Variants in CNST observed in about 807,000 individuals in gnomAD.
The protein encoded by CNST is consortin, connexin sorting protein, also known as consortin.
In CNST, 39 loss-of-function variants were observed where a neutral mutation model predicts 72.4. The ratio of observed to expected loss-of-function variants is 0.54; its 90% CI spans 0.42 to 0.70. The LOEUF (loss-of-function observed/expected upper bound fraction) is 0.70, where lower values mean the gene tolerates loss of function less well. CNST is among the 30% of genes least tolerant of loss of function. The pLI, the probability that CNST is intolerant of heterozygous loss-of-function variation, is 0.00. For missense variants in CNST, 871 were observed against 868.5 expected (o/e 1.00, Z -0.04); for synonymous variants, 332 against 320.1 (o/e 1.04, Z -0.40).
intron 1 of CNST, among the ~76,000 whole-genome samples, chr1:246,575,482 A>T (rs1005092896): frequency 5.9e-5 from 9 of 152,238 alleles, no homozygotes; most frequent in Non-Finnish European, 1.3e-4. Context: ...CATATTGTAT[A>T]ATTCCATTTA....
intron 1 of CNST, among the ~76,000 whole-genome samples, chr1:246,586,090 G>A (rs1661164594): frequency 8.5e-6 from 1 of 117,172 alleles, no homozygotes; most frequent in South Asian, 3.1e-4. Context: ...GGGGGAGAGG[G>A]GGAGATATAT....
At chr1:246,662,826 C>T (rs559199121) in intron 10 of CNST, among the ~76,000 whole-genome samples, 7 of 152,220 alleles carry the variant, frequency 4.6e-5, no homozygotes, top group South Asian at 2.1e-4. Context: ...TGTTCATCGC[C>T]GCTCAGTTTG....
chr1:246,609,618 A>G (rs556304352), intron 2 of CNST, among the ~76,000 whole-genome samples: 2 of 152,210 alleles, frequency 1.3e-5, no homozygotes, highest in East Asian at 3.9e-4. Context: ...CCTCCTTTCC[A>G]TTTTCATGGC....
chr1:246,566,841 T>TTC, intron 1 of CNST, 178 bp downstream of exon 1: 1 of 395,124 alleles, frequency 2.5e-6, no homozygotes, highest in East Asian at 3.6e-5. Context: ...GTCGCCTGTT[T>TTC]TCCTCTCCTT....
At chr1:246,604,968 A>G (rs1662608856) in intron 2 of CNST, among the ~76,000 whole-genome samples, 1 of 152,158 alleles carries the variant, frequency 6.6e-6, no homozygotes, top group African/African-American at 2.4e-5. Context: ...CACATGCACC[A>G]TTATTTTTGT....
chr1:246,613,777 T>C (rs1663502976), intron 2 of CNST, among the ~76,000 whole-genome samples: 1 of 141,594 alleles, frequency 7.1e-6, no homozygotes, highest in Non-Finnish European at 1.5e-5. Flanking sequence ...CCCTGCAACC[T>C]CCACCTCCCA....
chr1:246,665,638 C>A, intron 10 of CNST, 62 bp from the exon 11 acceptor site: 1 of 1,339,990 alleles, frequency 7.5e-7, no homozygotes, highest in South Asian at 1.2e-5. Context: ...AGTGAAAAGA[C>A]AGCAGATGCT....
intron 3 of CNST, among the ~76,000 whole-genome samples, chr1:246,625,471 G>C (rs1474801067): frequency 7.2e-6 from 1 of 138,160 alleles, no homozygotes; most frequent in African/African-American, 2.7e-5. Context: ...ACCCAGGCTG[G>C]AGTGCAGTGG....
chr1:246,665,096 A>C (rs1667334512), intron 10 of CNST, among the ~76,000 whole-genome samples: 1 of 152,154 alleles, frequency 6.6e-6, no homozygotes, highest in Non-Finnish European at 1.5e-5. Flanking sequence ...CGGGGTGGGC[A>C]TGCTGGCTCA....
chr1:246,590,699 A>G (rs1471781362), intron 1 of CNST, among the ~76,000 whole-genome samples: 3 of 152,040 alleles, frequency 2.0e-5, no homozygotes, highest in African/African-American at 7.2e-5. Flanking sequence ...CATTTTTCTT[A>G]AAATGTAATA....
At position 246,666,999 on chromosome 1, in the gene CNST, A is replaced by C. The variant is rs143346113; in HGVS notation, c.*1094A>C. 2 of 152,124 alleles carry C rather than the reference A, an allele frequency of 1.3e-5. No individual in the cohort carries two copies. Among genetic ancestry groups the C allele is most frequent in the Non-Finnish European group, 2.9e-5 (2 of 68,026 alleles). The allele number at this position is 152,124 out of a possible 1,614,324, so 9.4% of individuals were successfully genotyped here. ...TTGCGGGGTCATTACGCAAAAATTC[A>C]ATCATACCTTCCATAGACAAATGTC... On this transcript the variant is annotated 3_prime_UTR_variant, in exon 11 of 11. Transcript: ENST00000366513.
intron 6 of CNST, among the ~76,000 whole-genome samples, chr1:246,637,450 T>C (rs985956072): frequency 6.6e-6 from 1 of 152,214 alleles, no homozygotes; most frequent in Non-Finnish European, 1.5e-5. Context: ...GGTAAGTAAT[T>C]CCCGAGTGGC....
chr1:246,649,066 A>T (rs941947576), intron 9 of CNST, among the ~76,000 whole-genome samples: 1 of 152,070 alleles, frequency 6.6e-6, no homozygotes, highest in African/African-American at 2.4e-5. Context: ...AAAATTAGAT[A>T]GAATAGTAAA....
chr1:246,567,265 A>G (rs916681560), intron 1 of CNST, among the ~76,000 whole-genome samples: 3 of 152,224 alleles, frequency 2.0e-5, no homozygotes, highest in Non-Finnish European at 4.4e-5. Flanking sequence ...ATGTAAACTT[A>G]GTCAAACACA....
At chr1:246,630,575 C>T (rs1339318856) in intron 3 of CNST, among the ~76,000 whole-genome samples, 1 of 152,158 alleles carries the variant, frequency 6.6e-6, no homozygotes, top group African/African-American at 2.4e-5. Flanking sequence ...GCTGTTTCCC[C>T]TGAGGGATTT....
At position 246,647,499 on chromosome 1, in the gene CNST, C is replaced by G; in HGVS notation, c.1298C>G (p.Pro433Arg). Residue 433 changes from proline to arginine, a missense_variant, in exon 9 of 11, where the codon CCG becomes CGG. Transcript: ENST00000366513. ...CTTTCCAGCAAGTCAAAGACAGAGC[C>G]GTTGATTTCACCAGGCTGTGACCGT... ...VFLSSKSKTE[P>R]LISPGCDRIP... The G allele has an allele frequency of 6.2e-7, 1 of 1,614,166 alleles. No individual in the cohort carries two copies.
intron 2 of CNST, among the ~76,000 whole-genome samples, chr1:246,610,004 C>T (rs1663196865): frequency 1.3e-5 from 2 of 152,176 alleles, no homozygotes; most frequent in Admixed American, 6.5e-5. Context: ...AACTCCCAGC[C>T]AGGCGCAGTG....
chr1:246,581,198 A>G (rs999308358), intron 1 of CNST, among the ~76,000 whole-genome samples: 5 of 152,108 alleles, frequency 3.3e-5, no homozygotes, highest in Non-Finnish European at 5.9e-5. Flanking sequence ...ATTCCCATAC[A>G]TGGATATGGT....
intron 1 of CNST, among the ~76,000 whole-genome samples, chr1:246,587,904 G>GT (rs1661294731): frequency 6.6e-6 from 1 of 152,122 alleles, no homozygotes; most frequent in African/African-American, 2.4e-5. Context: ...GAGTCACATA[G>GT]TTTCAGTTAA....
Sources: allele counts gnomAD v4.1 joint callset (sites outside exome capture counted in the v4.1 genomes callset), GRCh38; gene constraint gnomAD v4.1.1; transcripts MANE v1.5; gene names NCBI Gene and HGNC (gene_info 2026-07-23, HGNC 2026-07-21).